PRKCA: variants seen among roughly 807,000 people sequenced by gnomAD.
The protein encoded by PRKCA is protein kinase C alpha type.
In PRKCA, 27 loss-of-function variants were observed where a neutral mutation model predicts 87.0. That is an observed-to-expected ratio of 0.31 (90% CI 0.23 to 0.43). The LOEUF is 0.43. Among genes scored for constraint, PRKCA ranks in the 20% least tolerant of loss-of-function variants. The pLI is 1.00. For missense variants in PRKCA, 518 were observed against 852.3 expected, an observed-to-expected ratio of 0.61 and a Z score of 4.88; for synonymous variants, 329 against 311.1, an observed-to-expected ratio of 1.06 and a Z score of -0.61.
chr17:66,713,093 C>G (rs1973375778), intron 8 of PRKCA, among the ~76,000 whole-genome samples: 1 of 127,214 alleles, frequency 7.9e-6, no homozygotes, highest in Non-Finnish European at 1.6e-5. Flanking sequence ...ACTCTGTTGC[C>G]CAGGCTGGAG....
rs1450925140 is a variant in PRKCA at position 66,306,471 on chromosome 17, T to C, written c.205+344T>C. On this transcript the variant is annotated intron_variant, in intron 2 of 16. Transcript: ENST00000413366. ...TTTTCTTCCTTGTTCTTCCTCTTTG[T>C]TTTTATTCTTCATCGCTTTTACTTA... The C allele has an allele frequency of 2.2e-5, 5 of 226,380 alleles. No individual in the cohort carries two copies. The Admixed American group carries it at 2.7e-4, about 12-fold the overall frequency. The allele number at this position is 226,380 out of a possible 1,614,324, so 14.0% of individuals were successfully genotyped here.
At position 66,808,329 on chromosome 17, in the gene PRKCA, T is replaced by TTTTTC. The variant is rs1048894180; in HGVS notation, c.*4296_*4297insCTTTT. 2 of 151,538 alleles carry TTTTTC rather than the reference T, an allele frequency of 1.3e-5. No homozygotes were observed. The highest frequency in any genetic ancestry group is 4.8e-5 in the African/African-American group (2 of 41,256). 9.4% of individuals were successfully genotyped at this position (151,538 alleles called of 1,614,324 possible). A position where few individuals can be genotyped will look rare whatever the true frequency, so the allele number is the denominator to read the frequency against. On this transcript the variant is annotated 3_prime_UTR_variant, in exon 17 of 17. Transcript: ENST00000413366. ...TTTTTTGTTTTTGTTCCTGTTTTTT[T>TTTTTC]TTTTTTTGCTGGAATTTGTTTTCTC...
At chr17:66,406,476 T>TCA (rs1262772824) in intron 2 of PRKCA, among the ~76,000 whole-genome samples, 1 of 151,756 alleles carries the variant, frequency 6.6e-6, no homozygotes, top group Non-Finnish European at 1.5e-5. Context: ...TGGCTAATTA[T>TCA]CACTTTCTGT....
At chr17:66,724,681 G>A (rs563716246) in intron 8 of PRKCA, among the ~76,000 whole-genome samples, 41 of 152,360 alleles carry the variant, frequency 2.7e-4, no homozygotes, top group East Asian at 1.2e-3. Context: ...ACGTTGGGCC[G>A]TGTTTGTATT....
At chr17:66,738,202 A>T (rs1352754054) in intron 10 of PRKCA, among the ~76,000 whole-genome samples, 3 of 152,252 alleles carry the variant, frequency 2.0e-5, no homozygotes, top group Non-Finnish European at 4.4e-5. Context: ...ATGCAAAAGA[A>T]CATTTGATTA....
At chr17:66,584,816 A>T (rs760648461) in intron 3 of PRKCA, among the ~76,000 whole-genome samples, 3 of 152,128 alleles carry the variant, frequency 2.0e-5, no homozygotes, top group Non-Finnish European at 2.9e-5. Context: ...ATCCAGGATG[A>T]TCTTATCTCG....
At chr17:66,414,449 C>A (rs1022521294) in intron 2 of PRKCA, among the ~76,000 whole-genome samples, 2 of 152,186 alleles carry the variant, frequency 1.3e-5, no homozygotes, top group Non-Finnish European at 2.9e-5. Flanking sequence ...TCCTGTACGG[C>A]CTGTGGAACT....
intron 3 of PRKCA, among the ~76,000 whole-genome samples, chr17:66,499,364 T>C (rs1385866675): frequency 6.6e-6 from 1 of 152,142 alleles, no homozygotes; most frequent in Non-Finnish European, 1.5e-5. Flanking sequence ...CCTAAGGGGC[T>C]ATAGGCCAAT....
At chr17:66,421,987 G>A (rs1912523070) in intron 2 of PRKCA, among the ~76,000 whole-genome samples, 1 of 152,112 alleles carries the variant, frequency 6.6e-6, no homozygotes, top group African/African-American at 2.4e-5. Context: ...TTAAGATCAA[G>A]GTGTCAGCAG....
chr17:66,452,236 G>T (rs1044573770), intron 2 of PRKCA, among the ~76,000 whole-genome samples: 2 of 152,152 alleles, frequency 1.3e-5, no homozygotes, highest in African/African-American at 2.4e-5. Context: ...TGCCTATGAT[G>T]ACCTCATTGA....
At chr17:66,440,332 T>C (rs2143869134) in intron 2 of PRKCA, among the ~76,000 whole-genome samples, 1 of 152,332 alleles carries the variant, frequency 6.6e-6, no homozygotes, top group Middle Eastern at 3.4e-3. Context: ...GTGTGGTGCC[T>C]AACGTATAGC....
At chr17:66,637,137 C>G (rs549447489) in intron 3 of PRKCA, among the ~76,000 whole-genome samples, 3 of 152,170 alleles carry the variant, frequency 2.0e-5, no homozygotes, top group Non-Finnish European at 4.4e-5. Context: ...ATGGCTGTTG[C>G]GTGAGTAAGC....
chr17:66,350,625 C>T (rs1411690795), intron 2 of PRKCA, among the ~76,000 whole-genome samples: 3 of 152,052 alleles, frequency 2.0e-5, no homozygotes, highest in South Asian at 2.1e-4. Context: ...CAGGCTTAAG[C>T]GATCCTCCCA....
At chr17:66,404,432 A>G (rs950880953) in intron 2 of PRKCA, among the ~76,000 whole-genome samples, 2 of 152,210 alleles carry the variant, frequency 1.3e-5, no homozygotes, top group African/African-American at 2.4e-5. Context: ...TACGCTGCCC[A>G]AAGTGCCAAG....
chr17:66,468,924 T>C (rs1213031468), intron 2 of PRKCA, among the ~76,000 whole-genome samples: 3 of 152,188 alleles, frequency 2.0e-5, no homozygotes, highest in Non-Finnish European at 4.4e-5. Context: ...AGCAGAAATG[T>C]TGAAGGGAAG....
At chr17:66,624,787 C>CAAATAAATAAATAAAT (rs3064605) in intron 3 of PRKCA, among the ~76,000 whole-genome samples, 3 of 143,632 alleles carry the variant, frequency 2.1e-5, no homozygotes, top group African/African-American at 7.8e-5. Context: ...GACTCCATCT[C>CAAATAAATAAATAAAT]AAATAAATAA....
chr17:66,623,888 G>A (rs1970765660), intron 3 of PRKCA, among the ~76,000 whole-genome samples: 1 of 152,060 alleles, frequency 6.6e-6, no homozygotes, highest in South Asian at 2.1e-4. Flanking sequence ...GACAGCAAGT[G>A]CAAAGGCCCT....
At chr17:66,354,243 A>G (rs12600997) in intron 2 of PRKCA, among the ~76,000 whole-genome samples, 14,100 of 152,200 alleles carry the variant, frequency 0.093, 747 homozygotes, top group African/African-American at 0.13. Context: ...GCACACCAGG[A>G]CTCAAACTTA....
intron 2 of PRKCA, among the ~76,000 whole-genome samples, chr17:66,343,884 T>C (rs1907195723): frequency 6.6e-6 from 1 of 152,112 alleles, no homozygotes; most frequent in African/African-American, 2.4e-5. Context: ...TTGGGCTTCA[T>C]TTTAAAATTG....
Sources: gnomAD v4.1 joint callset for allele counts (sites outside exome capture counted in the v4.1 genomes callset) on GRCh38, gnomAD v4.1.1 for gene constraint, MANE v1.5 for transcripts, NCBI Gene and HGNC (gene_info 2026-07-23, HGNC 2026-07-21) for gene names.